RBBP8: variants seen among roughly 807,000 people sequenced by gnomAD.
RBBP8 encodes RB binding protein 8, endonuclease, also known as DNA endonuclease RBBP8.
A neutral mutation model predicts 108.3 loss-of-function variants in RBBP8; 88 were observed. The ratio of observed to expected loss-of-function variants is 0.81; its 90% CI spans 0.68 to 0.97. The LOEUF is 0.97. Ranked by LOEUF, RBBP8 falls within the 50% of genes least tolerant of loss-of-function variation. RBBP8 has a pLI of 0.00. For synonymous variants in RBBP8, 332 were observed against 348.2 expected, an observed-to-expected ratio of 0.95 and a Z score of 0.52; for missense variants, 1,023 against 1,049.0, an observed-to-expected ratio of 0.98 and a Z score of 0.34.
chr18:23,007,475 C>T (rs898822553), intron 16 of RBBP8, among the ~76,000 whole-genome samples: 4 of 151,320 alleles, frequency 2.6e-5, no homozygotes, highest in East Asian at 2.0e-4. Context: ...GAGGCCCAGG[C>T]GGGGGGATCA....
intron 15 of RBBP8, among the ~76,000 whole-genome samples, chr18:23,002,339 G>A (rs1017519170): frequency 6.6e-6 from 1 of 152,140 alleles, no homozygotes; most frequent in Non-Finnish European, 1.5e-5. Context: ...CACCCAGGAG[G>A]TCGTGGCTGC....
chr18:22,918,014 AC>A (rs1321513578), intron 3 of RBBP8, among the ~76,000 whole-genome samples: 182 of 150,348 alleles, frequency 1.2e-3, no homozygotes, highest in Admixed American at 2.0e-3. Flanking sequence ...AAAAAAAAAA[AC>A]ATATAATGTT....
chr18:22,959,736 T>C (rs572481612), intron 4 of RBBP8, among the ~76,000 whole-genome samples: 1 of 149,530 alleles, frequency 6.7e-6, no homozygotes, highest in African/African-American at 2.5e-5. Flanking sequence ...GTGTGTGTGT[T>C]TGTGTGTGTG....
intron 3 of RBBP8, among the ~76,000 whole-genome samples, chr18:22,926,249 C>G (rs1392662307): frequency 2.6e-5 from 4 of 152,140 alleles, no homozygotes; most frequent in Non-Finnish European, 5.9e-5. Context: ...ATGGTGAAAC[C>G]CTGTCTCTAC....
rs1487617916 is a variant in RBBP8 at position 23,016,847 on chromosome 18, T to G, written c.2377T>G (p.Phe793Val). Residue 793 changes from phenylalanine to valine, a missense_variant, in exon 17 of 19, where the codon TTT (phenylalanine) becomes GTT (valine). Physicochemically the swap from Phe to Val is conservative, Grantham distance 50. Transcript: ENST00000327155. Reference protein sequence around the residue: ...GDERETSLQNFPHIEVVRKKE... With the variant: ...GDERETSLQNVPHIEVVRKKE... ...CCCCAGAGAGACTAGCTTGCAAAAT[T>G]TTCCTCATATTGAGGTGGTTCGGAA... 1 of 1,613,784 alleles carries G rather than the reference T, an allele frequency of 6.2e-7. No individual in the cohort carries two copies.
chr18:22,918,394 T>C (rs1909449950), intron 3 of RBBP8, among the ~76,000 whole-genome samples: 1 of 152,214 alleles, frequency 6.6e-6, no homozygotes, highest in Non-Finnish European at 1.5e-5. Flanking sequence ...TTCCAGGTTA[T>C]AAACCTGTAC....
intron 2 of RBBP8, among the ~76,000 whole-genome samples, chr18:22,940,314 A>G (rs1339372604): frequency 3.5e-5 from 4 of 115,626 alleles, no homozygotes; most frequent in East Asian, 5.4e-4. Context: ...AGTGTCTTCT[A>G]TATTTCTTTT....
intron 3 of RBBP8, among the ~76,000 whole-genome samples, chr18:22,947,907 G>A (rs77630370): frequency 0.049 from 7,460 of 152,046 alleles, 354 homozygotes; most frequent in African/African-American, 0.12. Flanking sequence ...TAATAGTTTA[G>A]CTTTAAGACA....
chr18:23,022,300 T>C (rs1371152296), intron 18 of RBBP8, 30 bp downstream of exon 18: 13 of 1,579,202 alleles, frequency 8.2e-6, no homozygotes, highest in Non-Finnish European at 1.1e-5. Flanking sequence ...CATTTTATAA[T>C]TATTTTTTTT....
At chr18:22,975,127 G>T (rs1335811937) in intron 5 of RBBP8, 26 bp from the exon 6 acceptor site, 4 of 1,591,770 alleles carry the variant, frequency 2.5e-6, no homozygotes, top group South Asian at 1.1e-5. Context: ...TATATTATTT[G>T]CCTTCTTTTT....
chr18:22,982,392 TG>T lies in RBBP8; in HGVS notation c.604+1del, dbSNP rs754380938. 1 of 1,613,830 alleles carries T rather than the reference TG, an allele frequency of 6.2e-7. No individual in the cohort carries two copies. The highest frequency in any genetic ancestry group is 8.5e-7 in the Non-Finnish European group (1 of 1,179,934). On this transcript the variant is annotated frameshift_variant and splice_region_variant, in exon 7 of 19. Coordinates refer to ENST00000327155, the MANE Select transcript of RBBP8 (RefSeq NM_002894.3). LOFTEE classifies it high-confidence loss of function. The stretch of plus-strand genomic sequence containing the variant: ...AATTGGAGCACTCTGTGTGTGCAAA[TG>T]GTAAGAGTTGGAGTTGTATTTTAGT... ...TKLEHSVCANEMRKVSKSSTH... is the reference protein window; with the variant it reads ...TKLEHSVCANXMRKVSKSSTH...
intron 2 of RBBP8, 74 bp from the exon 3 acceptor site, chr18:22,946,370 G>A: frequency 1.3e-6 from 2 of 1,586,378 alleles, no homozygotes; most frequent in Non-Finnish European, 1.7e-6. Flanking sequence ...CCAGACTGAT[G>A]TGACTTAATA....
chr18:22,944,987 T>G (rs998365717), intron 2 of RBBP8, among the ~76,000 whole-genome samples: 1 of 152,194 alleles, frequency 6.6e-6, no homozygotes, highest in Non-Finnish European at 1.5e-5. Context: ...TTAGGAATGA[T>G]AAATATATTA....
intron 1 of RBBP8, 89 bp downstream of exon 1, chr18:22,933,653 C>T (rs1280987231): frequency 6.5e-6 from 1 of 152,826 alleles, no homozygotes; most frequent in South Asian, 2.1e-4. Flanking sequence ...GCGAAGGGCT[C>T]CCGGGGTAGG....
intron 5 of RBBP8, among the ~76,000 whole-genome samples, chr18:22,974,646 G>A (rs539125569): frequency 6.6e-6 from 1 of 152,270 alleles, no homozygotes; most frequent in East Asian, 1.9e-4. Context: ...TTTTAGTGGA[G>A]ACGGGGTTTC....
At chr18:22,930,453 T>C (rs951307321), upstream of RBBP8, among the ~76,000 whole-genome samples, 1 of 152,210 alleles carries the variant, frequency 6.6e-6, no homozygotes, top group Non-Finnish European at 1.5e-5. Flanking sequence ...AAACCCAGTA[T>C]TATGAAGAGT....
intron 16 of RBBP8, among the ~76,000 whole-genome samples, chr18:23,014,546 A>T (rs368399523): frequency 6.6e-6 from 1 of 152,084 alleles, no homozygotes; most frequent in African/African-American, 2.4e-5. Context: ...AGGCAGGGGG[A>T]TTACTTGAGC....
At chr18:23,009,229 T>C (rs770564008) in intron 16 of RBBP8, among the ~76,000 whole-genome samples, 1 of 152,062 alleles carries the variant, frequency 6.6e-6, no homozygotes, top group Non-Finnish European at 1.5e-5. Context: ...CCAACATAAT[T>C]CCTTAATTTA....
chr18:22,940,054 G>A (rs1487514221), intron 2 of RBBP8, among the ~76,000 whole-genome samples: 1 of 152,056 alleles, frequency 6.6e-6, no homozygotes, highest in Admixed American at 6.5e-5. Flanking sequence ...GAGTTTTGGG[G>A]GAGGTGGATA....
Sources: gnomAD v4.1 joint callset for allele counts (sites outside exome capture counted in the v4.1 genomes callset) on GRCh38, gnomAD v4.1.1 for gene constraint, MANE v1.5 for transcripts, NCBI Gene and HGNC (gene_info 2026-07-23, HGNC 2026-07-21) for gene names.